The following WFDC6 variants were observed in gnomAD, a reference collection of about 807,000 sequenced individuals.
WFDC6 encodes the protein WAP four-disulfide core domain 6.
WFDC6 carries 10 observed loss-of-function variants against 8.2 expected under a neutral mutation model. That is an observed-to-expected ratio of 1.22 (90% CI 0.75 to 2.07). WFDC6 has a LOEUF of 2.07. Ranked by LOEUF, WFDC6 falls within the 30% of genes most tolerant of loss-of-function variation. The pLI is 0.00. For synonymous variants in WFDC6, 28 were observed against 37.0 expected, an observed-to-expected ratio of 0.76 and a Z score of 0.88; for missense variants, 105 against 104.9, an observed-to-expected ratio of 1.00 and a Z score of 0.00.
chr20:45,538,858 G>A (rs1979474890), intron 1 of WFDC6, among the ~76,000 whole-genome samples: 1 of 152,152 alleles, frequency 6.6e-6, no homozygotes, highest in African/African-American at 2.4e-5. Flanking sequence ...ACAGTTAGCT[G>A]CTAATTGTGA....
At position 45,535,473 on chromosome 20, in the gene WFDC6, C is replaced by A. The variant is rs1437915533; in HGVS notation, c.223-968G>T. 6.4e-6 allele frequency: 6 copies of A among 938,278 alleles called. No individual in the cohort carries two copies. The East Asian group carries it at 4.4e-4, about 68-fold the overall frequency. The allele number at this position is 938,278 out of a possible 1,614,324, so 58.1% of individuals were successfully genotyped here. ...GGCTCTGTTCCCAATTCAGTGTGAACCCTGACCACTCATTTTACCTCTCTG... is the reference window on the plus strand; with the variant it reads ...GGCTCTGTTCCCAATTCAGTGTGAAACCTGACCACTCATTTTACCTCTCTG... On this transcript the variant is annotated intron_variant, in intron 2 of 2. Transcript: ENST00000372670.
At position 45,539,319 on chromosome 20, in the gene WFDC6, C is replaced by A. The variant is rs763200917; in HGVS notation, c.89G>T (p.Gly30Val). The A allele has an allele frequency of 7.4e-6, 12 of 1,613,668 alleles. No individual in the cohort carries two copies. Among genetic ancestry groups the A allele is most frequent in the Non-Finnish European group, 8.5e-6 (10 of 1,179,792 alleles). ...AGGACGGAGTTCCCAATACTTACTG[C>A]CAAGGATGCCTTCAGCGTGCCCAGG... ...QEPGHAEGIL[G>V]KPCPKIKVEC... Residue 30 changes from glycine (G) to valine (V), a missense_variant and splice_region_variant, in exon 1 of 3, where the codon GGC becomes GTC. Gly to Val is a moderately radical substitution (Grantham distance 109, BLOSUM62 -3). Transcript: ENST00000372670.
chr20:45,538,076 T>G lies in WFDC6; in HGVS notation c.110A>C (p.Lys37Thr). The change falls in exon 2 of 3, where the codon AAA (lysine) becomes ACA (threonine). Residue 37 changes from lysine (K) to threonine (T), a missense_variant. Lys to Thr is a moderately conservative substitution (Grantham distance 78). Transcript: ENST00000372670. Reference protein sequence around the residue: ...GILGKPCPKIKVECEVEEIDQ... With the variant: ...GILGKPCPKITVECEVEEIDQ... The stretch of plus-strand genomic sequence containing the variant: ...TATTTCTTCCACTTCGCATTCCACT[T>G]TGATTTTGGGACACGGCTCTAAGGG... The G allele has an allele frequency of 6.2e-7, 1 of 1,613,900 alleles. No homozygotes were observed. The highest frequency in any genetic ancestry group is 8.5e-7 in the Non-Finnish European group (1 of 1,179,900).
chr20:45,538,022 G>A lies in WFDC6; in HGVS notation c.164C>T (p.Pro55Leu). The A allele has an allele frequency of 6.2e-7, 1 of 1,613,950 alleles. No homozygotes were observed. Among genetic ancestry groups the A allele is most frequent in the South Asian group, 1.1e-5 (1 of 91,064 alleles). Residue 55 changes from proline to leucine, a missense_variant, in exon 2 of 3, where the codon CCA becomes CTA. Pro to Leu is a moderately conservative substitution (Grantham distance 98). Coordinates refer to ENST00000372670, the MANE Select transcript of WFDC6 (RefSeq NM_080827.2). ...GAACGGGCAACACTTCATGTTTTCT[G>A]GGCAATCTCTGGGTTTGGTACACTG... is the stretch of plus-strand genomic sequence containing the variant. ...IDQCTKPRDC[P>L]ENMKCCPFSR...
intron 1 of WFDC6, 75 bp from the exon 2 acceptor site, chr20:45,538,169 C>T (rs975720069): frequency 1.2e-4 from 194 of 1,603,836 alleles, no homozygotes; most frequent in Non-Finnish European, 1.6e-4. Context: ...CCAGGGCACC[C>T]CTCCAGAGTT....
intron 2 of WFDC6, among the ~76,000 whole-genome samples, chr20:45,536,265 C>T (rs13038285): frequency 1.0e-3 from 144 of 143,448 alleles, no homozygotes; most frequent in African/African-American, 3.4e-3. Context: ...AAAAAAAAAA[C>T]CCAAAACTCA....
At chr20:45,535,079 G>T (rs1218049467) in intron 2 of WFDC6, 3 of 1,227,222 alleles carry the variant, frequency 2.4e-6, no homozygotes, top group Non-Finnish European at 3.1e-6. Context: ...GCGCCACCCA[G>T]GTCTTGGAAT....
intron 2 of WFDC6, among the ~76,000 whole-genome samples, chr20:45,535,678 C>T (rs1283890694): frequency 6.6e-6 from 1 of 152,300 alleles, no homozygotes; most frequent in South Asian, 2.1e-4. Context: ...TTCCTTCCGG[C>T]TGCTTTCTTA....
At chr20:45,537,490 A>G (rs990666894) in intron 2 of WFDC6, 22 of 1,532,614 alleles carry the variant, frequency 1.4e-5, no homozygotes, top group Non-Finnish European at 1.9e-5. Context: ...CAGAGAAGAA[A>G]GAGTGTAGGC....
In WFDC6 at chr20:45,538,028, T is replaced by A. The variant is rs766387915; in HGVS notation, c.158A>T (p.Asp53Val). The A allele has an allele frequency of 5.0e-6, 8 of 1,613,916 alleles. No individual in the cohort carries two copies. The highest frequency in any genetic ancestry group is 8.5e-7 in the Non-Finnish European group (1 of 1,179,952). ...GCAACACTTCATGTTTTCTGGGCAA[T>A]CTCTGGGTTTGGTACACTGGTCTAT... ...EEIDQCTKPR[D>V]CPENMKCCPF... is the part of the protein sequence containing the mutation. The change falls in exon 2 of 3, where the codon GAT becomes GTT. Residue 53 changes from aspartate (D) to valine (V), a missense_variant. Coordinates refer to ENST00000372670, the MANE Select transcript of WFDC6 (RefSeq NM_080827.2).
In WFDC6 at chr20:45,534,378, C is replaced by G; in HGVS notation, c.*89G>C. On this transcript the variant is annotated 3_prime_UTR_variant, in exon 3 of 3. Transcript: ENST00000372670. Reference sequence around the variant, plus strand: ...AATTCCTGGGGTTCAGTTTCTGGAACAGCCAAGGTTTGGCCCGTGGAAGCC... The same window carrying G: ...AATTCCTGGGGTTCAGTTTCTGGAAGAGCCAAGGTTTGGCCCGTGGAAGCC... 6.7e-7 allele frequency: 1 copy of G among 1,486,664 alleles called. No homozygotes were observed. The highest frequency in any genetic ancestry group is 9.4e-7 in the Non-Finnish European group (1 of 1,064,522). 92.1% of individuals were successfully genotyped at this position (1,486,664 alleles called of 1,614,324 possible).
chr20:45,537,508 G>A, intron 2 of WFDC6: 2 of 1,547,818 alleles, frequency 1.3e-6, no homozygotes, highest in Non-Finnish European at 1.7e-6. Flanking sequence ...GGCGGTCTAA[G>A]GTGGTCAGGG....
chr20:45,539,269 C>T, intron 1 of WFDC6, 48 bp downstream of exon 1: 1 of 1,548,702 alleles, frequency 6.5e-7, no homozygotes, highest in Non-Finnish European at 8.9e-7. Flanking sequence ...CCTTCCTCCC[C>T]ACTGAGTTTC....
At position 45,534,571 on chromosome 20, in the gene WFDC6, A is replaced by G. The variant is rs371630177; in HGVS notation, c.223-66T>C. 1.9e-6 allele frequency: 3 copies of G among 1,570,496 alleles called. No individual in the cohort carries two copies. The African/African-American group carries it at 4.1e-5, about 21-fold the overall frequency. On this transcript the variant is annotated intron_variant, in intron 2 of 2. Transcript: ENST00000372670. The stretch of plus-strand genomic sequence containing the variant: ...GACCACATTAGGAACCAAATCTTGC[A>G]CCTAATGGGAAAAAGGAGGTGGGAT...
chr20:45,537,674 G>A, intron 2 of WFDC6: 1 of 1,158,844 alleles, frequency 8.6e-7, no homozygotes, highest in Non-Finnish European at 1.3e-6. Flanking sequence ...AATCACTGAA[G>A]AGTAGCCAAG....
chr20:45,536,260 A>AC (rs1490979250), intron 2 of WFDC6, among the ~76,000 whole-genome samples: 1 of 151,910 alleles, frequency 6.6e-6, no homozygotes, highest in Non-Finnish European at 1.5e-5. Flanking sequence ...AGAAAAAAAA[A>AC]AAAACCCAAA....
intron 2 of WFDC6, 88 bp from the exon 3 acceptor site, chr20:45,534,593 G>A (rs1979294955): frequency 1.7e-5 from 26 of 1,488,568 alleles, no homozygotes; most frequent in Admixed American, 1.1e-4. Flanking sequence ...AAAGGAGGTG[G>A]GATCATTTTT....
chr20:45,535,040 C>A (rs1381980484), intron 2 of WFDC6: 9 of 900,614 alleles, frequency 1.0e-5, no homozygotes, highest in Middle Eastern at 4.8e-4. Context: ...ACTTATACTT[C>A]TGCATTGGAG....
intron 1 of WFDC6, among the ~76,000 whole-genome samples, chr20:45,538,850 A>G (rs1979474376): frequency 6.6e-6 from 1 of 152,196 alleles, no homozygotes; most frequent in South Asian, 2.1e-4. Flanking sequence ...TGCCCAGTAC[A>G]GTTAGCTGCT....
Sources: gnomAD v4.1 joint callset for allele counts (sites outside exome capture counted in the v4.1 genomes callset) on GRCh38, gnomAD v4.1.1 for gene constraint, MANE v1.5 for transcripts, NCBI Gene and HGNC (gene_info 2026-07-23, HGNC 2026-07-21) for gene names.